Variants in NOX3 observed in about 807,000 individuals in gnomAD.
NOX3 encodes NADPH oxidase 3.
In NOX3, 74 loss-of-function variants were observed where a neutral mutation model predicts 76.7. That is an observed-to-expected ratio of 0.96 (90% CI 0.80 to 1.17). NOX3 has a LOEUF of 1.17. Among genes scored for constraint, NOX3 ranks in the 50% most tolerant of loss-of-function variants. NOX3 has a pLI of 0.00. For missense variants in NOX3, 695 were observed against 703.3 expected, an observed-to-expected ratio of 0.99 and a Z score of 0.13; for synonymous variants, 263 against 261.1, an observed-to-expected ratio of 1.01 and a Z score of -0.07.
chr6:155,399,271 C>T (rs1779179757), intron 12 of NOX3, among the ~76,000 whole-genome samples: 1 of 152,196 alleles, frequency 6.6e-6, no homozygotes, highest in African/African-American at 2.4e-5. Flanking sequence ...GCTAAGACTG[C>T]TCTTTCGTTT....
At chr6:155,442,757 G>T (rs1229167357) in intron 5 of NOX3, among the ~76,000 whole-genome samples, 3 of 152,196 alleles carry the variant, frequency 2.0e-5, no homozygotes, top group East Asian at 3.9e-4. Context: ...GGCCATGCAG[G>T]TCTCATTATG....
intron 13 of NOX3, among the ~76,000 whole-genome samples, chr6:155,396,223 A>AT (rs1779136483): frequency 2.0e-5 from 3 of 152,192 alleles, no homozygotes; most frequent in African/African-American, 4.8e-5. Context: ...TATCTAAAGG[A>AT]TTTTTGTGAA....
At chr6:155,423,066 G>A (rs1776711662) in intron 9 of NOX3, among the ~76,000 whole-genome samples, 1 of 152,154 alleles carries the variant, frequency 6.6e-6, no homozygotes. Context: ...GGTTGTCCTG[G>A]CCCAGGCACT....
intron 7 of NOX3, 25 bp downstream of exon 7, chr6:155,436,393 T>C (rs1776903503): frequency 1.9e-6 from 3 of 1,613,606 alleles, no homozygotes; most frequent in South Asian, 1.1e-5. Context: ...CATTTATTTT[T>C]AAAAGCTCCT....
chr6:155,396,472 G>T (rs950003457), intron 13 of NOX3, among the ~76,000 whole-genome samples: 5 of 152,186 alleles, frequency 3.3e-5, no homozygotes, highest in Admixed American at 1.3e-4. Context: ...CCTATGCCAG[G>T]GGTCAGCAAG....
intron 12 of NOX3, among the ~76,000 whole-genome samples, chr6:155,398,500 A>C (rs1254772998): frequency 1.3e-5 from 2 of 152,192 alleles, no homozygotes; most frequent in East Asian, 3.8e-4. Context: ...CCACAGTAGA[A>C]ATTGATGGTT....
intron 4 of NOX3, among the ~76,000 whole-genome samples, chr6:155,450,214 C>T (rs1777116333): frequency 6.6e-6 from 1 of 151,988 alleles, no homozygotes; most frequent in Non-Finnish European, 1.5e-5. Flanking sequence ...GGAAGGGGGC[C>T]GGAGAGAACA....
intron 7 of NOX3, among the ~76,000 whole-genome samples, chr6:155,434,688 TAG>T (rs1776878118): frequency 1.3e-5 from 2 of 152,176 alleles, no homozygotes; most frequent in Non-Finnish European, 2.9e-5. Context: ...CCACCCATTT[TAG>T]AGAGTTTGGG....
chr6:155,408,955 G>C (rs775153039), intron 11 of NOX3, among the ~76,000 whole-genome samples: 7 of 151,666 alleles, frequency 4.6e-5, no homozygotes, highest in Middle Eastern at 3.2e-3. Context: ...CTCCAAAAGG[G>C]GGGGAGGGTG....
In NOX3 at chr6:155,427,553, C is replaced by T. The variant is rs373157927; in HGVS notation, c.1145+1241G>A. ...CGAGGAGGAAAGACAATGTCCTGCC[C>T]TCAGGAACTTCCATTTGAAGTGTCT... is the stretch of plus-strand genomic sequence containing the variant. On this transcript the variant is annotated intron_variant, in intron 9 of 13. Coordinates refer to ENST00000159060, the MANE Select transcript of NOX3 (RefSeq NM_015718.3). Among the ~76,000 whole-genome samples the T allele has an allele frequency of 7.6e-4, 116 of 152,340 alleles. 1 individual carries two copies. Among genetic ancestry groups the T allele is most frequent in the African/African-American group, 2.8e-3 (116 of 41,586 alleles).
intron 4 of NOX3, among the ~76,000 whole-genome samples, chr6:155,447,112 C>T (rs1166302584): frequency 5.3e-5 from 8 of 150,700 alleles, no homozygotes; most frequent in Non-Finnish European, 1.2e-4. Context: ...ATGGCGCGAT[C>T]TCAGCTAACT....
At chr6:155,397,070 T>A in intron 12 of NOX3, 108 bp from the exon 13 acceptor site, 1 of 1,048,306 alleles carries the variant, frequency 9.5e-7, no homozygotes, top group East Asian at 2.9e-5. Context: ...TACTTATTTA[T>A]TTTTCTCCCT....
chr6:155,447,379 T>C (rs968262845), intron 4 of NOX3, among the ~76,000 whole-genome samples: 7 of 152,240 alleles, frequency 4.6e-5, no homozygotes, highest in African/African-American at 1.7e-4. Flanking sequence ...GAGTTGTTGA[T>C]TGCAATTTGT....
chr6:155,413,003 C>T (rs573982009), intron 10 of NOX3, among the ~76,000 whole-genome samples: 32 of 152,292 alleles, frequency 2.1e-4, no homozygotes, highest in African/African-American at 6.3e-4. Context: ...AATGGTCAAA[C>T]GGGGGCTCAA....
chr6:155,417,125 A>G (rs1776631485), intron 10 of NOX3, among the ~76,000 whole-genome samples: 1 of 152,164 alleles, frequency 6.6e-6, no homozygotes, highest in Admixed American at 6.5e-5. Flanking sequence ...TAAAGACACC[A>G]AACAAAATGA....
At chr6:155,400,657 A>T (rs1449200335) in intron 12 of NOX3, among the ~76,000 whole-genome samples, 2 of 139,478 alleles carry the variant, frequency 1.4e-5, no homozygotes, top group Non-Finnish European at 3.1e-5. Context: ...TTTTTTTTTT[A>T]ACCTATCTCC....
chr6:155,452,478 C>T (rs1424715458), intron 4 of NOX3, among the ~76,000 whole-genome samples: 1 of 152,158 alleles, frequency 6.6e-6, no homozygotes, highest in Non-Finnish European at 1.5e-5. Context: ...AAGCAGTTCT[C>T]AGGTTGGTTT....
intron 4 of NOX3, among the ~76,000 whole-genome samples, chr6:155,451,343 C>T (rs897057558): frequency 2.6e-5 from 4 of 152,108 alleles, no homozygotes; most frequent in Non-Finnish European, 4.4e-5. Context: ...TATCACACTA[C>T]CAATCAGTAG....
chr6:155,408,399 A>G (rs578010026), intron 11 of NOX3, among the ~76,000 whole-genome samples: 9 of 152,152 alleles, frequency 5.9e-5, no homozygotes, highest in African/African-American at 2.2e-4. Context: ...TTAGACCCCT[A>G]TGTGGTGCTC....
Sources: allele counts gnomAD v4.1 joint callset (sites outside exome capture counted in the v4.1 genomes callset), GRCh38; gene constraint gnomAD v4.1.1; transcripts MANE v1.5; gene names NCBI Gene and HGNC (gene_info 2026-07-23, HGNC 2026-07-21).